The following C12orf56 variants were observed in gnomAD, a reference collection of about 807,000 sequenced individuals.
C12orf56 encodes the protein chromosome 12 open reading frame 56.
A neutral mutation model predicts 69.9 loss-of-function variants in C12orf56; 71 were observed. The observed-to-expected ratio is 1.02, with a 90% CI of 0.84 to 1.24. The LOEUF (loss-of-function observed/expected upper bound fraction) is 1.24. Ranked by LOEUF, C12orf56 falls within the 50% of genes most tolerant of loss-of-function variation. C12orf56 has a pLI of 0.00. For missense variants in C12orf56, 732 were observed against 738.5 expected (o/e 0.99, Z 0.10); for synonymous variants, 276 against 274.1 (o/e 1.01, Z -0.07).
intron 5 of C12orf56, 58 bp downstream of exon 5, chr12:64,312,621 A>T: frequency 7.9e-7 from 1 of 1,269,030 alleles, no homozygotes; most frequent in Non-Finnish European, 1.1e-6. Flanking sequence ...AAAAAAGGAG[A>T]GGCAAAGAGG....
intron 8 of C12orf56, among the ~76,000 whole-genome samples, chr12:64,278,377 T>C (rs1297180342): frequency 1.3e-5 from 2 of 152,118 alleles, no homozygotes; most frequent in Admixed American, 1.3e-4. Flanking sequence ...GGGCTGGTCT[T>C]GAACTACTGG....
rs1354567371 is a variant in C12orf56, at chr12:64,346,598, T to C, written c.415+6296A>G. On this transcript the variant is annotated intron_variant, in intron 2 of 12. Coordinates refer to ENST00000543942, the MANE Select transcript of C12orf56 (RefSeq NM_001170633.2). Reference sequence around the variant, plus strand: ...TTATTAAATCATGGGTCACTGGTGATCATCTCAATCTCTAGTCCCTCTCCA... The same window carrying C: ...TTATTAAATCATGGGTCACTGGTGACCATCTCAATCTCTAGTCCCTCTCCA... Among the ~76,000 whole-genome samples the C allele has an allele frequency of 3.3e-5, 5 of 152,192 alleles. No individual in the cohort carries two copies. The South Asian group carries it at 1.0e-3, about 32-fold the overall frequency.
At chr12:64,315,195 A>G (rs1246747555) in intron 4 of C12orf56, among the ~76,000 whole-genome samples, 1 of 151,668 alleles carries the variant, frequency 6.6e-6, no homozygotes, top group East Asian at 1.9e-4. Context: ...CAGGTGATCC[A>G]ACTGCCTCAG....
chr12:64,374,728 G>C (rs1342606640), intron 1 of C12orf56, among the ~76,000 whole-genome samples: 1 of 151,710 alleles, frequency 6.6e-6, no homozygotes, highest in African/African-American at 2.4e-5. Flanking sequence ...ATTTTTATTA[G>C]AGACAGGATT....
chr12:64,268,843 A>C (rs545883782), intron 12 of C12orf56, among the ~76,000 whole-genome samples: 1 of 152,154 alleles, frequency 6.6e-6, no homozygotes, highest in Non-Finnish European at 1.5e-5. Context: ...CATGGAAGAC[A>C]AAAAGTCCAT....
intron 6 of C12orf56, among the ~76,000 whole-genome samples, chr12:64,298,748 T>C (rs2038403701): frequency 1.3e-5 from 2 of 152,250 alleles, no homozygotes; most frequent in African/African-American, 4.8e-5. Flanking sequence ...ATATGTCTGT[T>C]TTGGTACCAG....
At chr12:64,365,906 T>A (rs1213077958) in intron 1 of C12orf56, among the ~76,000 whole-genome samples, 1 of 134,392 alleles carries the variant, frequency 7.4e-6, no homozygotes, top group Non-Finnish European at 1.5e-5. Flanking sequence ...TTATACATTA[T>A]GTATAGTGTA....
Position 64,390,597 on chromosome 12 carries a change from G to A in C12orf56, c.-32C>T. On this transcript the variant is annotated 5_prime_UTR_variant, in exon 1 of 13. Transcript: ENST00000543942. ...CGCCCGCAGCGTGGCGGAGTGCTGG[G>A]ACTCGAGGCCCTCAGCTCGCCCTCT... The A allele has an allele frequency of 6.7e-7, 1 of 1,489,458 alleles. No homozygotes were observed. Among genetic ancestry groups the A allele is most frequent in the Admixed American group, 2.3e-5 (1 of 43,386 alleles). 92.3% of individuals were successfully genotyped at this position (1,489,458 alleles called of 1,614,324 possible).
chr12:64,318,942 G>T lies in C12orf56; in HGVS notation c.527C>A (p.Thr176Asn). ...TTTGAGGCCTGGACGAGGACAGAGA[G>T]TTGAGTCCTTGGATGGTGTACTGCT... ...QESSTPSKDS[T>N]LCPRPGLKKL... The change falls in exon 4 of 13, where the codon ACT becomes AAT. Residue 176 changes from threonine to asparagine, a missense_variant. Thr to Asn is a moderately conservative substitution (Grantham distance 65). Coordinates refer to ENST00000543942, the MANE Select transcript of C12orf56 (RefSeq NM_001170633.2). 1 of 1,533,350 alleles carries T rather than the reference G, an allele frequency of 6.5e-7. No individual in the cohort carries two copies. The highest frequency in any genetic ancestry group is 8.7e-7 in the Non-Finnish European group (1 of 1,145,020). 95.0% of individuals were successfully genotyped at this position (1,533,350 alleles called of 1,614,324 possible). A position where few individuals can be genotyped will look rare whatever the true frequency, so the allele number is the denominator to read the frequency against.
At chr12:64,342,019 A>G (rs544818606) in intron 2 of C12orf56, among the ~76,000 whole-genome samples, 30 of 152,224 alleles carry the variant, frequency 2.0e-4, no homozygotes, top group African/African-American at 7.0e-4. Flanking sequence ...GGGTCATCCT[A>G]TCCACTTGAT....
chr12:64,362,575 T>C (rs2039413448), intron 1 of C12orf56, among the ~76,000 whole-genome samples: 1 of 151,930 alleles, frequency 6.6e-6, no homozygotes, highest in Admixed American at 6.6e-5. Flanking sequence ...GCCTGTAATC[T>C]CAGCTATTCA....
chr12:64,330,870 T>C (rs965845699), intron 3 of C12orf56, 90 bp downstream of exon 3: 3 of 1,060,966 alleles, frequency 2.8e-6, no homozygotes, highest in Non-Finnish European at 4.1e-6. Context: ...CCAAAGCCAT[T>C]AGTAGAGAAA....
In C12orf56 at chr12:64,285,014, G is replaced by A. The variant is rs538928842; in HGVS notation, c.1221-261C>T. Among the ~76,000 whole-genome samples, 5 of 152,216 alleles carry A rather than the reference G, an allele frequency of 3.3e-5. No individual in the cohort carries two copies. The South Asian group carries it at 1.0e-3, about 32-fold the overall frequency. ...TGCTGTAATCCCAGCACTTTGGGAG[G>A]CCCAGGTGGGCGAATGGCCTGAGCC... is the stretch of plus-strand genomic sequence containing the variant. On this transcript the variant is annotated intron_variant, in intron 7 of 12. Transcript: ENST00000543942.
At chr12:64,315,318 T>C (rs1002491830) in intron 4 of C12orf56, among the ~76,000 whole-genome samples, 35 of 152,018 alleles carry the variant, frequency 2.3e-4, no homozygotes, top group African/African-American at 8.4e-4. Context: ...TTTTTTTTTT[T>C]TTTTTAAAGC....
intron 11 of C12orf56, among the ~76,000 whole-genome samples, chr12:64,274,121 C>A: frequency 6.6e-6 from 1 of 152,114 alleles, no homozygotes; most frequent in East Asian, 1.9e-4. Flanking sequence ...ACTGCCACAC[C>A]CCAGGAAGGG....
chr12:64,294,539 A>G (rs2038339670), intron 6 of C12orf56, among the ~76,000 whole-genome samples: 1 of 152,202 alleles, frequency 6.6e-6, no homozygotes, highest in African/African-American at 2.4e-5. Context: ...CATGGATTAA[A>G]CTTGAGAACA....
intron 4 of C12orf56, among the ~76,000 whole-genome samples, chr12:64,313,606 C>T (rs1168984050): frequency 4.0e-5 from 6 of 151,308 alleles, no homozygotes; most frequent in African/African-American, 1.5e-4. Flanking sequence ...CATATAAAGA[C>T]ATATGAATTA....
intron 1 of C12orf56, among the ~76,000 whole-genome samples, chr12:64,358,402 G>A (rs2039350025): frequency 6.6e-6 from 1 of 151,434 alleles, no homozygotes; most frequent in Non-Finnish European, 1.5e-5. Flanking sequence ...AGATTGCAAT[G>A]AGCTGAGATC....
chr12:64,387,832 A>T (rs1016197365), intron 1 of C12orf56, among the ~76,000 whole-genome samples: 3 of 152,138 alleles, frequency 2.0e-5, no homozygotes, highest in African/African-American at 7.2e-5. Flanking sequence ...AAAACAAAAC[A>T]AAAAAACAAG....
Sources: gnomAD v4.1 joint callset for allele counts (sites outside exome capture counted in the v4.1 genomes callset) on GRCh38, gnomAD v4.1.1 for gene constraint, MANE v1.5 for transcripts, NCBI Gene and HGNC (gene_info 2026-07-23, HGNC 2026-07-21) for gene names.